Variants in SCUBE2 observed in about 807,000 individuals in gnomAD.
SCUBE2 encodes signal peptide, CUB domain and EGF like domain containing 2.
A neutral mutation model predicts 125.9 loss-of-function variants in SCUBE2; 114 were observed. The ratio of observed to expected loss-of-function variants is 0.91; its 90% CI spans 0.78 to 1.06. The LOEUF is 1.06. Ranked by LOEUF, SCUBE2 falls within the 50% of genes least tolerant of loss-of-function variation. The pLI, the probability that SCUBE2 is intolerant of heterozygous loss-of-function variation, is 0.00. For synonymous variants in SCUBE2, 459 were observed against 492.9 expected, an observed-to-expected ratio of 0.93 and a Z score of 0.91; for missense variants, 1,255 against 1,301.8, an observed-to-expected ratio of 0.96 and a Z score of 0.55.
At chr11:9,045,610 GACACACACACACACACACAC>G (rs72142315) in intron 16 of SCUBE2, among the ~76,000 whole-genome samples, 1 of 99,150 alleles carries the variant, frequency 1.0e-5, no homozygotes, top group African/African-American at 3.5e-5. Flanking sequence ...CAGACAGACA[GACACACACACACACACACAC>G]ACACACACAC....
intron 16 of SCUBE2, among the ~76,000 whole-genome samples, chr11:9,042,340 G>A (rs891110630): frequency 2.6e-5 from 4 of 151,988 alleles, no homozygotes; most frequent in African/African-American, 4.8e-5. Context: ...GATCCTCACC[G>A]TCTCTTATTT....
At chr11:9,026,423 CTTTG>C (rs146316603) in intron 20 of SCUBE2, 76,311 of 153,716 alleles carry the variant, frequency 0.5, 19,511 homozygotes, top group East Asian at 0.61. Flanking sequence ...CATCATCATT[CTTTG>C]TTTGTTTGTT....
chr11:9,075,737 T>C (rs1372186399), intron 3 of SCUBE2, among the ~76,000 whole-genome samples: 1 of 152,204 alleles, frequency 6.6e-6, no homozygotes, highest in Non-Finnish European at 1.5e-5. Context: ...GCTTCACACA[T>C]GCATCTGCAA....
intron 2 of SCUBE2, among the ~76,000 whole-genome samples, chr11:9,082,103 T>C (rs557880654): frequency 5.3e-5 from 8 of 152,348 alleles, no homozygotes; most frequent in African/African-American, 1.9e-4. Context: ...CGAACATCTT[T>C]TCATGGGCTT....
chr11:9,066,760 C>T lies in SCUBE2; in HGVS notation c.697G>A (p.Asp233Asn), dbSNP rs747651323. Residue 233 changes from aspartate (D) to asparagine (N), a missense_variant, in exon 6 of 23, where the codon GAT becomes AAT. By Grantham distance (23) the Asp-to-Asn change is conservative (BLOSUM62 1). Transcript: ENST00000649792. Reference sequence around the variant, plus strand: ...GGATGGCAGCTGCACTCTGGGCCATCGGCTGTATCGTCACAGGAGTGCTGG... The same window carrying T: ...GGATGGCAGCTGCACTCTGGGCCATTGGCTGTATCGTCACAGGAGTGCTGG... The part of the protein sequence containing the change: ...GCQHSCDDTA[D>N]GPECSCHPQY... The T allele has an allele frequency of 1.3e-5, 21 of 1,614,010 alleles. No individual in the cohort carries two copies. The highest frequency in any genetic ancestry group is 1.2e-4 in the Admixed American group (7 of 59,994).
chr11:9,085,827 GTTT>G (rs67816315), intron 2 of SCUBE2, among the ~76,000 whole-genome samples: 133,372 of 150,042 alleles, frequency 0.89, 61,220 homozygotes, highest in East Asian at 1. Flanking sequence ...AATCTCTTTA[GTTT>G]TTTTTTTTTT....
chr11:9,030,703 T>C, intron 18 of SCUBE2, 55 bp downstream of exon 18: 3 of 1,555,470 alleles, frequency 1.9e-6, no homozygotes, highest in Middle Eastern at 1.7e-4. Context: ...GAGACTCCCA[T>C]GATACTTAGA....
At chr11:9,070,850 A>T (rs1860731800) in intron 4 of SCUBE2, among the ~76,000 whole-genome samples, 1 of 152,202 alleles carries the variant, frequency 6.6e-6, no homozygotes, top group Non-Finnish European at 1.5e-5. Flanking sequence ...AGTCTCTCTT[A>T]AAACCCTCTT....
At position 9,051,225 on chromosome 11, in the gene SCUBE2, T is replaced by TCTATCTACCTATCTATCTACCTAC. The variant is rs755617422; in HGVS notation, c.1535-516_1535-515insGTAGGTAGATAGATAGGTAGATAG. Reference sequence around the variant, plus strand: ...ATCTATCTATCTATCTATCTATCTATCTACCTACCTACCTATCTATCTATC... The same window carrying TCTATCTACCTATCTATCTACCTAC: ...ATCTATCTATCTATCTATCTATCTATCTATCTACCTATCTATCTACCTACCTACCTACCTACCTATCTATCTATC... On this transcript the variant is annotated intron_variant, in intron 13 of 22. Coordinates refer to ENST00000649792, the MANE Select transcript of SCUBE2 (RefSeq NM_001367977.2). Among the ~76,000 whole-genome samples, 5 of 132,412 alleles carry TCTATCTACCTATCTATCTACCTAC rather than the reference T, an allele frequency of 3.8e-5. No homozygotes were observed. The South Asian group carries it at 9.5e-4, about 25-fold the overall frequency. The allele number at this position is 132,412 out of a possible 152,430, so 86.9% of individuals were successfully genotyped here.
intron 11 of SCUBE2, 66 bp downstream of exon 11, chr11:9,053,571 A>G: frequency 6.3e-7 from 1 of 1,583,586 alleles, no homozygotes; most frequent in Non-Finnish European, 8.6e-7. Context: ...GGGAGCACGC[A>G]GAGCTGCACT....
chr11:9,022,937 C>A (rs749085366), intron 21 of SCUBE2, among the ~76,000 whole-genome samples: 6 of 152,118 alleles, frequency 3.9e-5, no homozygotes, highest in Non-Finnish European at 7.4e-5. Context: ...AGACTCTTCT[C>A]TCCTTTATTT....
chr11:9,029,380 A>G (rs79994011), intron 19 of SCUBE2, among the ~76,000 whole-genome samples: 5 of 151,910 alleles, frequency 3.3e-5, no homozygotes, highest in Admixed American at 3.3e-4. Context: ...TCTCAAACAT[A>G]AGGCTCTTTC....
intron 2 of SCUBE2, among the ~76,000 whole-genome samples, chr11:9,086,674 G>A (rs1191602104): frequency 6.6e-6 from 1 of 152,038 alleles, no homozygotes; most frequent in Non-Finnish European, 1.5e-5. Context: ...CCAACATGGT[G>A]AAACCCCATC....
chr11:9,026,129 G>T, intron 20 of SCUBE2: 1 of 291,878 alleles, frequency 3.4e-6, no homozygotes, highest in Non-Finnish European at 6.4e-6. Context: ...CTGGGTGAGG[G>T]CCTCCCATTC....
chr11:9,086,391 T>C lies in SCUBE2; in HGVS notation c.256+3316A>G, dbSNP rs1019634360. On this transcript the variant is annotated intron_variant, in intron 2 of 22. Coordinates refer to ENST00000649792, the MANE Select transcript of SCUBE2 (RefSeq NM_001367977.2). The stretch of plus-strand genomic sequence containing the variant: ...AATAATCACAACCCAAATGATACCA[T>C]AGGTTGGTCCCAAGAGGCTCAAAAA... Among the ~76,000 whole-genome samples, 6 of 152,162 alleles carry C rather than the reference T, an allele frequency of 3.9e-5. No homozygotes were observed. In the South Asian group the frequency reaches 8.3e-4, roughly 21 times the overall value.
At position 9,030,858 on chromosome 11, in the gene SCUBE2, C is replaced by T. The variant is rs755658398; in HGVS notation, c.2241G>A (p.Thr747=). The T allele has an allele frequency of 1.2e-5, 19 of 1,614,208 alleles. 1 individual carries two copies. The highest frequency in any genetic ancestry group is 9.9e-5 in the South Asian group (9 of 91,086). The change falls in exon 18 of 23, where the codon ACG becomes ACA. Residue 747 remains threonine (T), a synonymous_variant. Transcript: ENST00000649792. ...FAPCQLCALG[T]FQPEAGRTSC... is the part of the protein sequence containing the mutation. ...AAGTTCGACCAGCTTCAGGCTGGAA[C>T]GTGCCCAGGGCACAGAGCTGGCAAG...
At chr11:9,055,697 A>T in intron 10 of SCUBE2, 96 bp downstream of exon 10, 1 of 870,416 alleles carries the variant, frequency 1.1e-6, no homozygotes, top group Non-Finnish European at 1.9e-6. Context: ...TACCTTTCAT[A>T]CCCCAATGTA....
At chr11:9,057,745 C>A (rs1356886513) in intron 9 of SCUBE2, among the ~76,000 whole-genome samples, 1 of 152,098 alleles carries the variant, frequency 6.6e-6, no homozygotes, top group Non-Finnish European at 1.5e-5. Flanking sequence ...GTTGGCCAGA[C>A]TAGTCTCAAA....
intron 10 of SCUBE2, 38 bp from the exon 11 acceptor site, chr11:9,053,797 C>A: frequency 6.3e-7 from 1 of 1,598,940 alleles, no homozygotes; most frequent in South Asian, 1.1e-5. Flanking sequence ...AGCAGCCTGT[C>A]ACTGAATGGG....
Sources: allele counts gnomAD v4.1 joint callset (sites outside exome capture counted in the v4.1 genomes callset), GRCh38; gene constraint gnomAD v4.1.1; transcripts MANE v1.5; gene names NCBI Gene and HGNC (gene_info 2026-07-23, HGNC 2026-07-21).